The following EYS variants were observed in gnomAD, a reference collection of about 807,000 sequenced individuals.
EYS encodes EGF-like photoreceptor maintenance factor.
EYS carries 250 observed loss-of-function variants against 282.1 expected under a neutral mutation model. The ratio of observed to expected loss-of-function variants is 0.89; its 90% CI spans 0.80 to 0.98. The LOEUF (loss-of-function observed/expected upper bound fraction) is 0.98. EYS is among the 50% of genes least tolerant of loss of function. The probability of loss-of-function intolerance (pLI) is 0.00; values close to 1 mark genes in which losing one functional copy is unlikely to be tolerated. For missense variants in EYS, 4,016 were observed against 3,709.0 expected (o/e 1.08, Z -2.15); for synonymous variants, 1,355 against 1,282.9 (o/e 1.06, Z -1.20).
intron 30 of EYS, among the ~76,000 whole-genome samples, chr6:64,295,925 T>A (rs1482524107): frequency 6.6e-6 from 1 of 152,172 alleles, no homozygotes; most frequent in Admixed American, 6.5e-5. Context: ...ATATTATTTT[T>A]AAATATTTTA....
At position 64,686,910 on chromosome 6, in the gene EYS, T is replaced by TAC. The variant is rs1300449623; in HGVS notation, c.3444-60667_3444-60666dup. Among the ~76,000 whole-genome samples the TAC allele has an allele frequency of 8.0e-5, 11 of 138,228 alleles. 1 individual carries two copies. Among genetic ancestry groups the TAC allele is most frequent in the African/African-American group, 2.2e-4 (8 of 36,574 alleles). 90.7% of individuals were successfully genotyped at this position (138,228 alleles called of 152,430 possible). On this transcript the variant is annotated intron_variant, in intron 22 of 42. Transcript: ENST00000503581. The stretch of plus-strand genomic sequence containing the variant: ...ACACACATATATATGTGTATATATA[T>TAC]ACACACATATATATACGTATATATA...
At chr6:65,168,054 G>T (rs1266014743) in intron 12 of EYS, among the ~76,000 whole-genome samples, 3 of 149,864 alleles carry the variant, frequency 2.0e-5, no homozygotes, top group Non-Finnish European at 4.5e-5. Context: ...AGCCCTTGGG[G>T]ACTGCTGTAT....
At chr6:65,618,334 G>A (rs1033610733) in intron 2 of EYS, among the ~76,000 whole-genome samples, 16 of 152,272 alleles carry the variant, frequency 1.1e-4, no homozygotes, top group South Asian at 6.2e-4. Flanking sequence ...TGTGTTTTTC[G>A]GCTGCATGAA....
intron 26 of EYS, among the ~76,000 whole-genome samples, chr6:64,457,302 T>C (rs977060996): frequency 2.6e-5 from 4 of 152,192 alleles, no homozygotes; most frequent in Admixed American, 2.6e-4. Flanking sequence ...TCCTAGAGAA[T>C]GTTTTATGTT....
Position 64,637,456 on chromosome 6 carries a change from G to C in EYS, c.3444-11211C>G, listed in dbSNP as rs1308169083. Among the ~76,000 whole-genome samples, 23 of 75,434 alleles carry C rather than the reference G, an allele frequency of 3.0e-4. 7 individuals carry two copies. Among genetic ancestry groups the C allele is most frequent in the Admixed American group, 2.5e-3 (17 of 6,908 alleles). 49.5% of individuals were successfully genotyped at this position (75,434 alleles called of 152,430 possible). ...TGGGGACTGTTGTGGGGTGTGGGGAGGGGGGAGGGACAGCATTAGGAGATA... is the reference window on the plus strand; with the variant it reads ...TGGGGACTGTTGTGGGGTGTGGGGACGGGGGAGGGACAGCATTAGGAGATA... On this transcript the variant is annotated intron_variant, in intron 22 of 42. Coordinates refer to ENST00000503581, the MANE Select transcript of EYS (RefSeq NM_001142800.2).
intron 13 of EYS, among the ~76,000 whole-genome samples, chr6:65,000,652 C>A (rs1771432975): frequency 6.6e-6 from 1 of 152,142 alleles, no homozygotes; most frequent in East Asian, 1.9e-4. Flanking sequence ...GTGGCACATG[C>A]CTGTAGTCCC....
At chr6:65,564,729 C>G (rs142417302) in intron 2 of EYS, among the ~76,000 whole-genome samples, 1 of 151,528 alleles carries the variant, frequency 6.6e-6, no homozygotes, top group Non-Finnish European at 1.5e-5. Context: ...GACTTCACGA[C>G]TTTTAAAACA....
intron 31 of EYS, among the ~76,000 whole-genome samples, chr6:64,152,826 T>C (rs567331319): frequency 1.3e-5 from 2 of 152,266 alleles, no homozygotes; most frequent in African/African-American, 2.4e-5. Flanking sequence ...TACAAGGCTA[T>C]ATATGTAAGT....
At chr6:64,361,184 T>C (rs1258733973) in intron 29 of EYS, among the ~76,000 whole-genome samples, 1 of 145,742 alleles carries the variant, frequency 6.9e-6, no homozygotes, top group Non-Finnish European at 1.5e-5. Context: ...GATAAAACTT[T>C]TCTTTATGAT....
intron 31 of EYS, among the ~76,000 whole-genome samples, chr6:64,187,257 G>A (rs1764973445): frequency 6.6e-6 from 1 of 151,922 alleles, no homozygotes; most frequent in African/African-American, 2.4e-5. Context: ...TGTCTCATCT[G>A]TGGTATATAG....
intron 29 of EYS, among the ~76,000 whole-genome samples, chr6:64,364,373 T>C (rs562136689): frequency 2.6e-4 from 40 of 152,084 alleles, no homozygotes; most frequent in African/African-American, 9.1e-4. Context: ...AAATTTTGTA[T>C]GTGTTTCTAA....
rs183001362 is a variant in EYS, at chr6:64,062,039, G to A, written c.6725+4299C>T. Among the ~76,000 whole-genome samples, 17 of 151,814 alleles carry A rather than the reference G, an allele frequency of 1.1e-4. No homozygotes were observed. In the East Asian group the frequency reaches 2.7e-3, roughly 24 times the overall value. On this transcript the variant is annotated intron_variant, in intron 33 of 42. Transcript: ENST00000503581. ...GAAATACTTTAATATTGAAGACATC[G>A]TGTCAACATTCATATGATGAAAAAG...
Position 63,825,063 on chromosome 6 carries a change from G to T in EYS, c.7229-18691C>A, listed in dbSNP as rs553794305. ...GAATAGACTCGGGGCTGTTGTTGGGGGCATGGTGGGAGTGAGACTGGCCCT... is the reference window on the plus strand; with the variant it reads ...GAATAGACTCGGGGCTGTTGTTGGGTGCATGGTGGGAGTGAGACTGGCCCT... On this transcript the variant is annotated intron_variant, in intron 36 of 42. Transcript: ENST00000503581. Among the ~76,000 whole-genome samples the T allele has an allele frequency of 3.2e-3, 493 of 152,244 alleles. 3 individuals are homozygous for T. The highest frequency in any genetic ancestry group is 0.011 in the African/African-American group (452 of 41,540).
intron 36 of EYS, among the ~76,000 whole-genome samples, chr6:63,845,654 T>C (rs557324922): frequency 1.3e-5 from 2 of 151,822 alleles, no homozygotes; most frequent in South Asian, 4.2e-4. Context: ...AAGCTGCTTC[T>C]TTGGAAATGG....
chr6:64,212,300 A>AAAAGATAGAT (rs1346769124), intron 31 of EYS, among the ~76,000 whole-genome samples: 19 of 152,074 alleles, frequency 1.2e-4, no homozygotes, highest in Admixed American at 1.2e-3. Context: ...AGTCATGAAT[A>AAAAGATAGAT]AAAGATAGAT....
chr6:63,826,708 T>C, intron 36 of EYS, among the ~76,000 whole-genome samples: 1 of 151,980 alleles, frequency 6.6e-6, no homozygotes, highest in East Asian at 1.9e-4. Flanking sequence ...GAATTCACCA[T>C]TACCAAGCCA....
intron 6 of EYS, among the ~76,000 whole-genome samples, chr6:65,404,491 C>G (rs1033504277): frequency 6.6e-6 from 1 of 151,902 alleles, no homozygotes; most frequent in African/African-American, 2.4e-5. Flanking sequence ...TTAGAAGAAG[C>G]ATGTATTATT....
intron 2 of EYS, among the ~76,000 whole-genome samples, chr6:65,541,796 T>C (rs1346889991): frequency 6.6e-6 from 1 of 152,106 alleles, no homozygotes; most frequent in African/African-American, 2.4e-5. Context: ...GCTATCTCTT[T>C]GCTCAAAATG....
chr6:65,697,505 T>C (rs564951706), intron 1 of EYS, among the ~76,000 whole-genome samples: 62 of 152,208 alleles, frequency 4.1e-4, no homozygotes, highest in African/African-American at 1.4e-3. Context: ...ATGAGACTCA[T>C]TGTAAACAAA....
Sources: allele counts gnomAD v4.1 joint callset (sites outside exome capture counted in the v4.1 genomes callset), GRCh38; gene constraint gnomAD v4.1.1; transcripts MANE v1.5; gene names NCBI Gene and HGNC (gene_info 2026-07-23, HGNC 2026-07-21).